The following SORBS2 variants were observed in gnomAD, a reference collection of about 807,000 sequenced individuals.
SORBS2 encodes sorbin and SH3 domain-containing protein 2.
In SORBS2, 46 loss-of-function variants were observed where a neutral mutation model predicts 97.7. The observed-to-expected ratio is 0.47, with a 90% CI of 0.37 to 0.60. SORBS2 has a LOEUF of 0.60. Among genes scored for constraint, SORBS2 ranks in the 20% least tolerant of loss-of-function variants. The pLI is 0.00. For synonymous variants in SORBS2, 476 were observed against 473.4 expected, an observed-to-expected ratio of 1.01 and a Z score of -0.07; for missense variants, 1,316 against 1,282.3, an observed-to-expected ratio of 1.03 and a Z score of -0.40.
intron 1 of SORBS2, among the ~76,000 whole-genome samples, chr4:185,950,066 C>A (rs563899708): frequency 5.9e-5 from 9 of 152,102 alleles, no homozygotes; most frequent in African/African-American, 2.2e-4. Context: ...AGCCTGGCCA[C>A]CATGGTGAAA....
chr4:185,867,933 C>T (rs1448060328), intron 1 of SORBS2, among the ~76,000 whole-genome samples: 3 of 151,996 alleles, frequency 2.0e-5, no homozygotes, highest in African/African-American at 7.2e-5. Context: ...AAATAGTGTC[C>T]CAGCTCTATC....
chr4:185,878,920 A>C (rs2099235162), intron 1 of SORBS2, among the ~76,000 whole-genome samples: 2 of 152,156 alleles, frequency 1.3e-5, no homozygotes, highest in Non-Finnish European at 2.9e-5. Context: ...GACCAAGCTC[A>C]CGTGGCTGCC....
rs528156920 is a variant in SORBS2 at position 185,852,639 on chromosome 4, C to T, written c.-337-77273G>A. Among the ~76,000 whole-genome samples the T allele has an allele frequency of 3.3e-5, 5 of 152,236 alleles. 1 individual carries two copies. In the South Asian group the frequency reaches 6.2e-4, roughly 19 times the overall value. ...AACTGATTTCCACATTCGAGTTGCA[C>T]TTCAGATGGAATTTGTGGGCTGCCA... On this transcript the variant is annotated intron_variant, in intron 1 of 20. Coordinates refer to the SORBS2 transcript ENST00000284776.
At chr4:185,757,707 G>C (rs1212035186) in intron 2 of SORBS2, among the ~76,000 whole-genome samples, 1 of 152,192 alleles carries the variant, frequency 6.6e-6, no homozygotes, top group Admixed American at 6.5e-5. Context: ...AGCCTAGGTG[G>C]TATGGATTGT....
intron 2 of SORBS2, among the ~76,000 whole-genome samples, chr4:185,717,849 G>T (rs2098478794): frequency 6.6e-6 from 1 of 152,224 alleles, no homozygotes; most frequent in Non-Finnish European, 1.5e-5. Flanking sequence ...GACCTGGGGT[G>T]AGTTACTTTC....
chr4:185,805,118 A>C (rs1464907424), intron 1 of SORBS2, among the ~76,000 whole-genome samples: 1 of 152,120 alleles, frequency 6.6e-6, no homozygotes, highest in Non-Finnish European at 1.5e-5. Flanking sequence ...AGTTTTTCTT[A>C]TCTTCTGAAT....
chr4:185,925,783 G>A (rs1486381169), intron 1 of SORBS2, among the ~76,000 whole-genome samples: 1 of 152,030 alleles, frequency 6.6e-6, no homozygotes, highest in African/African-American at 2.4e-5. Context: ...CAGGTATTAG[G>A]CCCAAATGAA....
intron 5 of SORBS2, among the ~76,000 whole-genome samples, chr4:185,628,677 A>G (rs2153430192): frequency 6.6e-6 from 1 of 152,304 alleles, no homozygotes; most frequent in Admixed American, 6.5e-5. Flanking sequence ...TGAGCACAGG[A>G]GTTTGAGGCT....
chr4:185,615,545 CTAGT>C (rs910257093), intron 9 of SORBS2, among the ~76,000 whole-genome samples: 1 of 150,066 alleles, frequency 6.7e-6, no homozygotes, highest in African/African-American at 2.5e-5. Context: ...AGCTAGTTGG[CTAGT>C]TAGTTACTAG....
chr4:185,633,325 A>T (rs10031784), intron 4 of SORBS2, among the ~76,000 whole-genome samples: 1 of 152,014 alleles, frequency 6.6e-6, no homozygotes. Flanking sequence ...ACCTTAAGAG[A>T]ATATATTTTC....
At chr4:185,693,856 A>G (rs550572154) in intron 2 of SORBS2, among the ~76,000 whole-genome samples, 1 of 152,344 alleles carries the variant, frequency 6.6e-6, no homozygotes, top group South Asian at 2.1e-4. Context: ...CAAAAAGTAA[A>G]ATAGGATTAA....
intron 1 of SORBS2, among the ~76,000 whole-genome samples, chr4:185,906,956 T>C (rs894201364): frequency 6.6e-6 from 1 of 151,932 alleles, no homozygotes; most frequent in Non-Finnish European, 1.5e-5. Flanking sequence ...CGAAACCCCG[T>C]GTCTACTAAA....
At chr4:185,881,110 C>T (rs536620556) in intron 1 of SORBS2, among the ~76,000 whole-genome samples, 2 of 152,244 alleles carry the variant, frequency 1.3e-5, no homozygotes, top group Admixed American at 6.5e-5. Context: ...CATGCAAGGA[C>T]TTAGTAATGT....
In SORBS2 at chr4:185,612,404, C is replaced by T. The variant is rs548581232; in HGVS notation, c.2596-424G>A. 2.4e-3 allele frequency among the ~76,000 whole-genome samples: 366 copies of T among 152,208 alleles called. 1 individual carries two copies. Among genetic ancestry groups the T allele is most frequent in the South Asian group, 5.4e-3 (26 of 4,822 alleles). On this transcript the variant is annotated intron_variant, in intron 11 of 14. Coordinates refer to ENST00000418609, the Ensembl canonical transcript of SORBS2. ...GCTTCAGAAAGTGCACCATAGCTTGCTGTGAGGGTCTGTCTGAAATGGGTT... is the reference window on the plus strand; with the variant it reads ...GCTTCAGAAAGTGCACCATAGCTTGTTGTGAGGGTCTGTCTGAAATGGGTT...
chr4:185,741,522 G>A (rs2098726932), intron 2 of SORBS2, among the ~76,000 whole-genome samples: 1 of 147,380 alleles, frequency 6.8e-6, no homozygotes, highest in South Asian at 2.2e-4. Context: ...TCCTGCCTCA[G>A]TCACCGGAGC....
At chr4:185,896,498 C>A (rs2099245117) in intron 1 of SORBS2, among the ~76,000 whole-genome samples, 1 of 152,152 alleles carries the variant, frequency 6.6e-6, no homozygotes, top group Non-Finnish European at 1.5e-5. Flanking sequence ...GCAGGAGAAT[C>A]CCCTGAATCC....
chr4:185,691,844 A>C (rs890926759), intron 2 of SORBS2, among the ~76,000 whole-genome samples: 2 of 152,092 alleles, frequency 1.3e-5, no homozygotes, highest in African/African-American at 2.4e-5. Flanking sequence ...TCCCGGGCTC[A>C]CGCCATTCTT....
intron 1 of SORBS2, among the ~76,000 whole-genome samples, chr4:185,913,491 A>G (rs1228996143): frequency 6.6e-6 from 1 of 152,232 alleles, no homozygotes; most frequent in African/African-American, 2.4e-5. Flanking sequence ...ATACAATCAA[A>G]TAGAATTCAG....
intron 1 of SORBS2, among the ~76,000 whole-genome samples, chr4:185,899,418 T>G (rs750797573): frequency 2.6e-5 from 4 of 152,186 alleles, no homozygotes; most frequent in Non-Finnish European, 4.4e-5. Flanking sequence ...TTTCATTTTG[T>G]GAAGTAGCGA....
Sources: allele counts gnomAD v4.1 joint callset (sites outside exome capture counted in the v4.1 genomes callset), GRCh38; gene constraint gnomAD v4.1.1; transcripts MANE v1.5; gene names NCBI Gene and HGNC (gene_info 2026-07-23, HGNC 2026-07-21).